The following DOT1L variants were observed in gnomAD, a reference collection of about 807,000 sequenced individuals.
DOT1L encodes DOT1 like histone lysine methyltransferase, also known as histone-lysine N-methyltransferase, H3 lysine-79 specific.
DOT1L carries 33 observed loss-of-function variants against 153.3 expected under a neutral mutation model. That is an observed-to-expected ratio of 0.22 (90% CI 0.16 to 0.29). The LOEUF (loss-of-function observed/expected upper bound fraction) is 0.29. DOT1L is among the 10% of genes least tolerant of loss of function. The pLI, the probability that DOT1L is intolerant of heterozygous loss-of-function variation, is 1.00. For missense variants in DOT1L, 1,847 were observed against 2,119.9 expected (o/e 0.87, Z 2.53); for synonymous variants, 1,135 against 965.1 (o/e 1.18, Z -3.26).
intron 6 of DOT1L, among the ~76,000 whole-genome samples, chr19:2,194,100 G>A (rs1238589574): frequency 6.6e-6 from 1 of 152,220 alleles, no homozygotes; most frequent in South Asian, 2.1e-4. Flanking sequence ...GAGAAGCGGG[G>A]TGTTTTGGGT....
At chr19:2,189,878 G>T in intron 4 of DOT1L, 83 bp downstream of exon 4, 3 of 1,459,700 alleles carry the variant, frequency 2.1e-6, no homozygotes, top group Non-Finnish European at 2.8e-6. Context: ...ACCGCCTCGG[G>T]GCACAGAGCT....
intron 1 of DOT1L, 85 bp downstream of exon 1, chr19:2,164,350 GCT>G: frequency 1.0e-6 from 1 of 965,876 alleles, no homozygotes; most frequent in Non-Finnish European, 1.3e-6. Flanking sequence ...CCCAAGCCGC[GCT>G]CACCGGTCCC....
chr19:2,211,310 C>T (rs904956945), intron 15 of DOT1L, 98 bp downstream of exon 15: 2 of 1,101,108 alleles, frequency 1.8e-6, no homozygotes, highest in East Asian at 5.1e-5. Context: ...GCCCCCGTGA[C>T]CTCCATGCTG....
intron 1 of DOT1L, among the ~76,000 whole-genome samples, chr19:2,172,710 A>G (rs144356415): frequency 0.039 from 5,883 of 151,578 alleles, 197 homozygotes; most frequent in East Asian, 0.14. Flanking sequence ...TCACCATGTT[A>G]ATCAGGCTGG....
chr19:2,174,870 C>G (rs1472353239), intron 1 of DOT1L, among the ~76,000 whole-genome samples: 2 of 151,844 alleles, frequency 1.3e-5, no homozygotes, highest in Non-Finnish European at 2.9e-5. Flanking sequence ...CTCCTAGCTT[C>G]AAGCAGTCCT....
intron 15 of DOT1L, 103 bp downstream of exon 15, chr19:2,211,315 AT>A (rs1258410127): frequency 6.8e-6 from 7 of 1,033,608 alleles, no homozygotes; most frequent in Non-Finnish European, 8.4e-6. Context: ...CGTGACCTCC[AT>A]GCTGGACCCC....
At position 2,222,745 on chromosome 19, in the gene DOT1L, A is replaced by G. The variant is rs775874342; in HGVS notation, c.3390+186A>G. The G allele has an allele frequency of 1.6e-6, 1 of 633,468 alleles. No homozygotes were observed. Among genetic ancestry groups the G allele is most frequent in the Non-Finnish European group, 2.6e-6 (1 of 386,402 alleles). 39.2% of individuals were successfully genotyped at this position (633,468 alleles called of 1,614,324 possible). A position where few individuals can be genotyped will look rare whatever the true frequency, so the allele number is the denominator to read the frequency against. On this transcript the variant is annotated intron_variant, in intron 24 of 27. Transcript: ENST00000398665. This position sits in a 1 kb window ranked among gnomAD's most constrained non-coding sequence, Gnocchi z 6.5. The stretch of plus-strand genomic sequence containing the variant: ...GAAACCCCGTCTCTACCAAAAATAC[A>G]AAAGATTAGCCGGGCGTGGTGGCGG...
At chr19:2,213,321 A>G (rs1037916171) in intron 16 of DOT1L, 5 of 497,396 alleles carry the variant, frequency 1.0e-5, no homozygotes, top group African/African-American at 9.7e-5. Context: ...CAGTCCCTCC[A>G]GCTGGCGAGA....
intron 22 of DOT1L, among the ~76,000 whole-genome samples, chr19:2,218,605 G>C (rs1229155363): frequency 6.6e-6 from 1 of 152,056 alleles, no homozygotes; most frequent in Non-Finnish European, 1.5e-5. Context: ...GTGTTAGCCA[G>C]GATGGTCTTG....
chr19:2,215,694 G>C (rs1160811860), intron 19 of DOT1L: 1 of 152,336 alleles, frequency 6.6e-6, no homozygotes, highest in African/African-American at 2.4e-5. Flanking sequence ...GCCCAGGCGA[G>C]CCTCACCAGC....
At chr19:2,227,948 G>A (rs745827709) in intron 27 of DOT1L, 252 of 1,168,232 alleles carry the variant, frequency 2.2e-4, no homozygotes, top group Non-Finnish European at 2.6e-4. Flanking sequence ...CCCCGCCTGC[G>A]CACCTGGGCC....
Position 2,185,844 on chromosome 19 carries a change from CTG to C in DOT1L, c.126-7_126-6del. 7 of 1,613,810 alleles carry C rather than the reference CTG, an allele frequency of 4.3e-6. No homozygotes were observed. Among genetic ancestry groups the C allele is most frequent in the Non-Finnish European group, 4.2e-6 (5 of 1,179,734 alleles). On this transcript the variant is annotated splice_polypyrimidine_tract_variant and intron_variant, in intron 2 of 27. Transcript: ENST00000398665. ...AAACCCTTCCTGATCGTTTCTGCTGCTGTGTTTCAGATGGGTCTGTGAAGAAA... is the reference window on the plus strand; with the variant it reads ...AAACCCTTCCTGATCGTTTCTGCTGCTGTTTCAGATGGGTCTGTGAAGAAA...
At chr19:2,225,928 C>T (rs1478215022) in intron 26 of DOT1L, among the ~76,000 whole-genome samples, 1 of 152,204 alleles carries the variant, frequency 6.6e-6, no homozygotes, top group Non-Finnish European at 1.5e-5. Context: ...GTCCTGTCTT[C>T]CGCCCTCCTG....
chr19:2,173,725 T>A (rs561423958), intron 1 of DOT1L, among the ~76,000 whole-genome samples: 4 of 152,278 alleles, frequency 2.6e-5, no homozygotes. Flanking sequence ...TCTGTGTCCT[T>A]GGTGGGCAGC....
intron 1 of DOT1L, among the ~76,000 whole-genome samples, chr19:2,177,584 C>T (rs928326997): frequency 2.0e-5 from 3 of 151,992 alleles, no homozygotes; most frequent in Admixed American, 1.3e-4. Flanking sequence ...AGGCTGGCCT[C>T]GAATTCCTGA....
At position 2,207,373 on chromosome 19, in the gene DOT1L, A is replaced by AG. The variant is rs1425283196; in HGVS notation, c.857-197dup. Among the ~76,000 whole-genome samples, 1 of 152,004 alleles carries AG rather than the reference A, an allele frequency of 6.6e-6. No individual in the cohort carries two copies. Among genetic ancestry groups the AG allele is most frequent in the East Asian group, 1.9e-4 (1 of 5,180 alleles). On this transcript the variant is annotated intron_variant, in intron 10 of 27. Transcript: ENST00000398665. The surrounding 1 kb of genome is among the most constrained non-coding windows in gnomAD (Gnocchi z 4.5). ...TTTGTGGCTGTTTTTCTGAGGTTGG[A>AG]GGGGCCCAGGCCAGGTGGTGTTGAA...
Position 2,193,798 on chromosome 19 carries a change from G to A in DOT1L, c.588+15G>A, listed in dbSNP as rs376695452. 1.2e-6 allele frequency: 2 copies of A among 1,611,648 alleles called. No homozygotes were observed. Among genetic ancestry groups the A allele is most frequent in the Non-Finnish European group, 1.7e-6 (2 of 1,178,686 alleles). On this transcript the variant is annotated intron_variant, in intron 6 of 27. Transcript: ENST00000398665. This position sits in a 1 kb window ranked among gnomAD's most constrained non-coding sequence, Gnocchi z 5.9. Reference sequence around the variant, plus strand: ...AGTATGCGGAGGTGAGCGGATCTGAGGGCCAGGGTGTGTTGGAGGCAGGGG... The same window carrying A: ...AGTATGCGGAGGTGAGCGGATCTGAAGGCCAGGGTGTGTTGGAGGCAGGGG...
At chr19:2,182,020 C>T (rs1415380193) in intron 2 of DOT1L, among the ~76,000 whole-genome samples, 1 of 151,920 alleles carries the variant, frequency 6.6e-6, no homozygotes, top group Non-Finnish European at 1.5e-5. Flanking sequence ...GCCAGGAGTT[C>T]GAGACTGGCC....
intron 25 of DOT1L, among the ~76,000 whole-genome samples, chr19:2,224,804 G>A (rs1183405058): frequency 6.6e-6 from 1 of 152,172 alleles, no homozygotes; most frequent in East Asian, 1.9e-4. Context: ...CCTTGCCCAC[G>A]TGTGCGTGCA....
Sources: allele counts gnomAD v4.1 joint callset (sites outside exome capture counted in the v4.1 genomes callset), GRCh38; gene constraint gnomAD v4.1.1; non-coding constraint Gnocchi (gnomAD v3.1); transcripts MANE v1.5; gene names NCBI Gene and HGNC (gene_info 2026-07-23, HGNC 2026-07-21).